Variants in NFYC observed in about 807,000 individuals in gnomAD.
NFYC encodes CAAT box DNA-binding protein subunit C.
In NFYC, 25 loss-of-function variants were observed where a neutral mutation model predicts 53.1. The ratio of observed to expected loss-of-function variants is 0.47; its 90% CI spans 0.34 to 0.66. The LOEUF (loss-of-function observed/expected upper bound fraction) is 0.66, where lower values mean the gene tolerates loss of function less well. Ranked by LOEUF, NFYC falls within the 30% of genes least tolerant of loss-of-function variation. The pLI, the probability that NFYC is intolerant of heterozygous loss-of-function variation, is 0.01. For synonymous variants in NFYC, 145 were observed against 152.6 expected (o/e 0.95, Z 0.37); for missense variants, 260 against 422.7 (o/e 0.62, Z 3.38).
At chr1:40,737,333 CTTT>C (rs112649877) in intron 1 of NFYC, among the ~76,000 whole-genome samples, 3 of 142,676 alleles carry the variant, frequency 2.1e-5, no homozygotes, top group Non-Finnish European at 3.0e-5. Flanking sequence ...TTTAATTCTA[CTTT>C]TTTTTTTTTT....
intron 1 of NFYC, among the ~76,000 whole-genome samples, chr1:40,720,974 A>T (rs1489144026): frequency 6.6e-6 from 1 of 152,206 alleles, no homozygotes; most frequent in Non-Finnish European, 1.5e-5. Flanking sequence ...TTGAGGGTGT[A>T]TCAGAAACAA....
chr1:40,700,565 C>G (rs892483049), intron 1 of NFYC, among the ~76,000 whole-genome samples: 9 of 151,968 alleles, frequency 5.9e-5, no homozygotes, highest in African/African-American at 2.2e-4. Context: ...AGGCTAGTCC[C>G]AAATTCTTCA....
At chr1:40,733,505 GAA>G (rs1411850105) in intron 1 of NFYC, among the ~76,000 whole-genome samples, 1 of 151,132 alleles carries the variant, frequency 6.6e-6, no homozygotes, top group Non-Finnish European at 1.5e-5. Context: ...AAAATAGAGA[GAA>G]AGAGTAGTTT....
At chr1:40,755,790 G>GT (rs1244980448) in intron 5 of NFYC, among the ~76,000 whole-genome samples, 1 of 152,202 alleles carries the variant, frequency 6.6e-6, no homozygotes, top group Non-Finnish European at 1.5e-5. Flanking sequence ...TTCATAAACA[G>GT]TTTAAGAGGA....
At position 40,715,608 on chromosome 1, in the gene NFYC, A is replaced by G. The variant is rs531756498; in HGVS notation, c.-8-23228A>G. On this transcript the variant is annotated intron_variant, in intron 1 of 9. Transcript: ENST00000447388. ...GCCCACCTCTTTATAACGTGGTCAG[A>G]TTCTATTTGTATTATCACTCTTATC... 2.6e-5 allele frequency among the ~76,000 whole-genome samples: 4 copies of G among 152,158 alleles called. No homozygotes were observed. In the South Asian group the frequency reaches 8.3e-4, roughly 32 times the overall value.
intron 2 of NFYC, among the ~76,000 whole-genome samples, chr1:40,741,079 A>G (rs1570571119): frequency 1.3e-5 from 2 of 152,166 alleles, no homozygotes; most frequent in East Asian, 3.9e-4. Context: ...TGTGCACTCA[A>G]TAAACAGCCA....
intron 1 of NFYC, among the ~76,000 whole-genome samples, chr1:40,732,808 TTGTG>T (rs561466721): frequency 6.6e-6 from 1 of 152,158 alleles, no homozygotes; most frequent in East Asian, 1.9e-4. Flanking sequence ...TCTTAGATGT[TTGTG>T]TGTGTGTGTC....
chr1:40,738,162 A>G (rs1347461901), intron 1 of NFYC, among the ~76,000 whole-genome samples: 1 of 152,146 alleles, frequency 6.6e-6, no homozygotes, highest in East Asian at 1.9e-4. Flanking sequence ...TCGGCCTCCC[A>G]AAGTGCTGGG....
intron 1 of NFYC, among the ~76,000 whole-genome samples, chr1:40,711,461 G>A (rs1310147646): frequency 6.6e-6 from 1 of 152,190 alleles, no homozygotes; most frequent in Non-Finnish European, 1.5e-5. Context: ...GCCTGCAGCA[G>A]GGGAGGCAAA....
chr1:40,726,067 C>T (rs1390508972), intron 1 of NFYC, among the ~76,000 whole-genome samples: 1 of 151,784 alleles, frequency 6.6e-6, no homozygotes, highest in Non-Finnish European at 1.5e-5. Context: ...GTGGTAGTTG[C>T]TGAAGTTTGG....
At chr1:40,750,112 C>T (rs1419367608) in intron 4 of NFYC, among the ~76,000 whole-genome samples, 2 of 152,004 alleles carry the variant, frequency 1.3e-5, no homozygotes, top group East Asian at 3.9e-4. Flanking sequence ...CTTTTTGTTC[C>T]TTGTCAGCCT....
At chr1:40,767,016 C>T (rs1213242603) in intron 8 of NFYC, 28 of 1,533,704 alleles carry the variant, frequency 1.8e-5, no homozygotes, top group Non-Finnish European at 2.5e-5. Flanking sequence ...CGACAGATCG[C>T]CTGATCGTCA....
rs1647030196 is a variant in NFYC at position 40,770,413 on chromosome 1, A to C, written c.889-296A>C. 6.5e-7 allele frequency: 1 copy of C among 1,548,256 alleles called. No homozygotes were observed. The highest frequency in any genetic ancestry group is 8.7e-7 in the Non-Finnish European group (1 of 1,145,110). On this transcript the variant is annotated intron_variant, in intron 9 of 9. Coordinates refer to ENST00000447388, the MANE Select transcript of NFYC (RefSeq NM_014223.5). The surrounding 1 kb of genome is among the most constrained non-coding windows in gnomAD (Gnocchi z 5.3). ...TTGCCACAGAGGAACAGCGTGCAGC[A>C]AGCTCGAGTCTCTGAGCTAACGGGA...
chr1:40,725,580 A>G (rs1366195899), intron 1 of NFYC, among the ~76,000 whole-genome samples: 2 of 152,208 alleles, frequency 1.3e-5, no homozygotes, highest in African/African-American at 4.8e-5. Flanking sequence ...AAACATAAAA[A>G]CCAAATAGTC....
intron 1 of NFYC, among the ~76,000 whole-genome samples, chr1:40,697,663 T>C (rs905059235): frequency 1.3e-5 from 2 of 152,224 alleles, no homozygotes; most frequent in African/African-American, 4.8e-5. Context: ...CTGTACAAAT[T>C]ATCAGTTGAA....
intron 1 of NFYC, among the ~76,000 whole-genome samples, chr1:40,704,975 G>A (rs537371108): frequency 9.2e-5 from 14 of 152,280 alleles, no homozygotes; most frequent in African/African-American, 2.4e-4. Flanking sequence ...AACCTTAACC[G>A]TCTATAAATC....
chr1:40,762,587 T>G (rs1282123046), intron 6 of NFYC, among the ~76,000 whole-genome samples: 1 of 152,220 alleles, frequency 6.6e-6, no homozygotes, highest in East Asian at 1.9e-4. Flanking sequence ...TGTATGTGCC[T>G]TATCACTAAA....
chr1:40,752,598 A>G (rs1645977052), intron 4 of NFYC, among the ~76,000 whole-genome samples: 1 of 152,042 alleles, frequency 6.6e-6, no homozygotes, highest in Admixed American at 6.5e-5. Context: ...TTTATTTGGG[A>G]ATTCAGAACT....
chr1:40,703,110 C>T (rs979465808), intron 1 of NFYC, among the ~76,000 whole-genome samples: 1 of 152,180 alleles, frequency 6.6e-6, no homozygotes, highest in Non-Finnish European at 1.5e-5. Context: ...AGCCACCACG[C>T]CTGGCCTATG....
Sources: gnomAD v4.1 joint callset for allele counts (sites outside exome capture counted in the v4.1 genomes callset) on GRCh38, gnomAD v4.1.1 for gene constraint, Gnocchi (gnomAD v3.1) non-coding constraint, MANE v1.5 for transcripts, NCBI Gene and HGNC (gene_info 2026-07-23, HGNC 2026-07-21) for gene names.